CUX1: variants seen among roughly 807,000 people sequenced by gnomAD.
The protein encoded by CUX1 is cut like homeobox 1.
In CUX1, 31 loss-of-function variants were observed where a neutral mutation model predicts 158.8. The observed-to-expected ratio is 0.20, with a 90% CI of 0.15 to 0.26. The LOEUF (loss-of-function observed/expected upper bound fraction) is 0.26, where lower values mean the gene tolerates loss of function less well. CUX1 is among the 10% of genes least tolerant of loss of function. The pLI is 1.00. For synonymous variants in CUX1, 879 were observed against 862.1 expected, an observed-to-expected ratio of 1.02 and a Z score of -0.34; for missense variants, 1,589 against 2,014.6, an observed-to-expected ratio of 0.79 and a Z score of 4.04.
At chr7:102,199,452 G>A (rs1163324087) in intron 16 of CUX1, among the ~76,000 whole-genome samples, 1 of 152,224 alleles carries the variant, frequency 6.6e-6, no homozygotes, top group Non-Finnish European at 1.5e-5. Context: ...TCGTCGGCAC[G>A]TGTGCCTGCA....
rs58332486 is a variant in CUX1, at chr7:101,943,078, CTTTTTTTTTTTTT to C, written c.141+26866_141+26878del. The stretch of plus-strand genomic sequence containing the variant: ...ACTTTCCTCTCCATCCTGGTCAGTG[CTTTTTTTTTTTTT>C]TTTTTTTTTTTTACTTTTTCTTTTT... On this transcript the variant is annotated intron_variant, in intron 2 of 23. Transcript: ENST00000292535. 8.7e-5 allele frequency among the ~76,000 whole-genome samples: 7 copies of C among 80,326 alleles called. No homozygotes were observed. The Admixed American group carries it at 9.2e-4, about 11-fold the overall frequency. 52.7% of individuals were successfully genotyped at this position (80,326 alleles called of 152,430 possible).
chr7:101,823,309 G>T (rs1031277354), intron 1 of CUX1, among the ~76,000 whole-genome samples: 3 of 152,174 alleles, frequency 2.0e-5, no homozygotes, highest in African/African-American at 7.2e-5. Flanking sequence ...GTTCCTCCTA[G>T]GGATTTACTA....
chr7:102,045,571 C>T (rs147585405), intron 3 of CUX1, among the ~76,000 whole-genome samples: 30 of 152,392 alleles, frequency 2.0e-4, no homozygotes, highest in African/African-American at 6.3e-4. Context: ...ATAGCAGGAG[C>T]TTTGAAAACA....
At chr7:101,880,360 C>T (rs1799588316) in intron 1 of CUX1, among the ~76,000 whole-genome samples, 1 of 152,084 alleles carries the variant, frequency 6.6e-6, no homozygotes, top group African/African-American at 2.4e-5. Flanking sequence ...GTGTGCGTTC[C>T]CGGCAAGAAT....
chr7:102,237,408 C>T (rs889334337), intron 22 of CUX1, among the ~76,000 whole-genome samples: 3 of 151,134 alleles, frequency 2.0e-5, no homozygotes, highest in Admixed American at 1.3e-4. Context: ...CCCAGCTACC[C>T]GAGTAGCTGG....
At chr7:102,050,663 T>C (rs1333560283) in intron 3 of CUX1, among the ~76,000 whole-genome samples, 1 of 151,726 alleles carries the variant, frequency 6.6e-6, no homozygotes, top group Non-Finnish European at 1.5e-5. Flanking sequence ...CTATGTTCAG[T>C]ATTAGACCCT....
At chr7:102,028,829 A>C (rs1232612560) in intron 3 of CUX1, among the ~76,000 whole-genome samples, 2 of 152,160 alleles carry the variant, frequency 1.3e-5, no homozygotes, top group Non-Finnish European at 2.9e-5. Flanking sequence ...GATGTTTAGA[A>C]AACCAGAAAT....
chr7:102,116,002 G>A (rs538355164), intron 8 of CUX1, among the ~76,000 whole-genome samples: 17 of 152,204 alleles, frequency 1.1e-4, no homozygotes, highest in Middle Eastern at 3.4e-3. Flanking sequence ...CCCATCTTCC[G>A]CGGAAACACA....
intron 14 of CUX1, among the ~76,000 whole-genome samples, chr7:102,263,829 A>G (rs1554544502): frequency 2.0e-5 from 3 of 151,202 alleles, no homozygotes; most frequent in Non-Finnish European, 4.4e-5. Flanking sequence ...AGTAGCTGGA[A>G]TTACAGGCGT....
chr7:102,041,524 G>A (rs1822093694), intron 3 of CUX1, among the ~76,000 whole-genome samples: 1 of 151,762 alleles, frequency 6.6e-6, no homozygotes, highest in Non-Finnish European at 1.5e-5. Context: ...GAAATGCTGA[G>A]ATTACAAGCA....
rs781895228 is a variant in CUX1 at position 102,204,592 on chromosome 7, C to T, written c.3073+36C>T. The T allele has an allele frequency of 3.7e-6, 6 of 1,603,740 alleles. No homozygotes were observed. The Admixed American group carries it at 6.7e-5, about 18-fold the overall frequency. On this transcript the variant is annotated intron_variant, in intron 19 of 23. Coordinates refer to ENST00000292535, the MANE Select transcript of CUX1 (RefSeq NM_181552.4). Reference sequence around the variant, plus strand: ...TCCTGCCACAGGAGAGGGGCTGCCCCCCCATAGCAAGGACCTGGTCACAGC... The same window carrying T: ...TCCTGCCACAGGAGAGGGGCTGCCCTCCCATAGCAAGGACCTGGTCACAGC...
intron 2 of CUX1, among the ~76,000 whole-genome samples, chr7:101,942,219 TATC>T (rs771312503): frequency 1.3e-5 from 2 of 151,836 alleles, no homozygotes; most frequent in Non-Finnish European, 2.9e-5. Context: ...CAGGGTGGAG[TATC>T]ATAGCCAGGA....
chr7:102,200,241 C>A, intron 17 of CUX1, 69 bp downstream of exon 17: 2 of 1,284,154 alleles, frequency 1.6e-6, no homozygotes, highest in Non-Finnish European at 2.2e-6. Context: ...GTGCTCTGGT[C>A]AGCAGTAATT....
intron 14 of CUX1, among the ~76,000 whole-genome samples, chr7:102,270,804 G>A (rs1791161910): frequency 1.3e-5 from 2 of 152,180 alleles, no homozygotes; most frequent in African/African-American, 4.8e-5. Context: ...TGGGAACCGG[G>A]GCAGCCTAGG....
At chr7:102,053,802 C>CT (rs750818355) in intron 3 of CUX1, among the ~76,000 whole-genome samples, 5,860 of 119,792 alleles carry the variant, frequency 0.049, 294 homozygotes, top group African/African-American at 0.075. Context: ...TGTCTTCTCA[C>CT]TTTTTTTTTT....
At chr7:102,224,818 C>T (rs565408957) in intron 20 of CUX1, among the ~76,000 whole-genome samples, 2 of 152,256 alleles carry the variant, frequency 1.3e-5, no homozygotes, top group South Asian at 4.1e-4. Flanking sequence ...CCACAGCAGC[C>T]GGCACCACAC....
intron 3 of CUX1, among the ~76,000 whole-genome samples, chr7:102,044,233 AGGCTGGAGTGCAGTG>A (rs549220219): frequency 7.3e-5 from 11 of 151,314 alleles, no homozygotes; most frequent in African/African-American, 2.7e-4. Context: ...CAGGCTGGAG[AGGCTGGAGTGCAGTG>A]GTGCCATCTT....
rs116930405 is a variant in CUX1 at position 101,911,133 on chromosome 7, G to T, written c.31-4982G>T. On this transcript the variant is annotated intron_variant, in intron 1 of 23. Transcript: ENST00000292535. ...AGACAGCAGCAGCCAGGCCGACTTG[G>T]TGATAGGCTTGGCCTGCCCCTGCAG... 1.6e-4 allele frequency among the ~76,000 whole-genome samples: 25 copies of T among 152,420 alleles called. No individual in the cohort carries two copies. The East Asian group carries it at 4.0e-3, about 25-fold the overall frequency.
At chr7:101,902,028 G>A (rs1802203633) in intron 1 of CUX1, among the ~76,000 whole-genome samples, 1 of 152,186 alleles carries the variant, frequency 6.6e-6, no homozygotes, top group Non-Finnish European at 1.5e-5. Flanking sequence ...TTTTGGCAGT[G>A]GCAGGACTAT....
Sources: gnomAD v4.1 joint callset for allele counts (sites outside exome capture counted in the v4.1 genomes callset) on GRCh38, gnomAD v4.1.1 for gene constraint, MANE v1.5 for transcripts, NCBI Gene and HGNC (gene_info 2026-07-23, HGNC 2026-07-21) for gene names.